The following LAMA2 variants were observed in gnomAD, a reference collection of about 807,000 sequenced individuals.
LAMA2 encodes the protein laminin subunit alpha-2.
A neutral mutation model predicts 364.8 loss-of-function variants in LAMA2; 269 were observed. The ratio of observed to expected loss-of-function variants is 0.74; its 90% CI spans 0.67 to 0.82. LAMA2 has a LOEUF of 0.82. Ranked by LOEUF, LAMA2 falls within the 40% of genes least tolerant of loss-of-function variation. The pLI is 0.00. For synonymous variants in LAMA2, 1,379 were observed against 1,370.6 expected (o/e 1.01, Z -0.14); for missense variants, 3,807 against 3,873.2 (o/e 0.98, Z 0.45).
rs1051961545 is a variant in LAMA2, at chr6:129,295,015, T to C, written c.2857-2670T>C. On this transcript the variant is annotated intron_variant, in intron 20 of 64. Transcript: ENST00000421865. ...AGCCCTACATATCTTACAGTACTAT[T>C]GTATGAAGCAGGGTTTTGTCCCGAG... Among the ~76,000 whole-genome samples the C allele has an allele frequency of 2.0e-5, 3 of 152,216 alleles. No individual in the cohort carries two copies. The East Asian group carries it at 5.8e-4, about 29-fold the overall frequency.
chr6:129,279,726 G>C (rs1269795330), intron 17 of LAMA2, among the ~76,000 whole-genome samples: 1 of 152,192 alleles, frequency 6.6e-6, no homozygotes, highest in African/African-American at 2.4e-5. Flanking sequence ...AAGAAAGTAT[G>C]TGAGGCTGCA....
At chr6:129,413,808 C>A (rs1780654717) in intron 40 of LAMA2, among the ~76,000 whole-genome samples, 1 of 151,936 alleles carries the variant, frequency 6.6e-6, no homozygotes, top group South Asian at 2.1e-4. Flanking sequence ...AGATATTAGG[C>A]AAGGGTAAGA....
At chr6:128,884,442 A>G (rs965804998) in intron 1 of LAMA2, among the ~76,000 whole-genome samples, 1 of 152,220 alleles carries the variant, frequency 6.6e-6, no homozygotes, top group African/African-American at 2.4e-5. Context: ...GTTTTGAAGT[A>G]TACTTATCCT....
rs1167376754 is a variant in LAMA2 at position 129,382,988 on chromosome 6, A to G, written c.4960-134A>G. The G allele has an allele frequency of 1.1e-5, 8 of 720,364 alleles. No homozygotes were observed. In the Admixed American group the frequency reaches 1.4e-4, roughly 13 times the overall value. The allele number at this position is 720,364 out of a possible 1,614,324, so 44.6% of individuals were successfully genotyped here. On this transcript the variant is annotated intron_variant, in intron 34 of 64. Transcript: ENST00000421865. ...GTGAGCATGGGGCATCATTTGCAAT[A>G]CATCTGATCAATAATTCATCGATTG...
intron 4 of LAMA2, among the ~76,000 whole-genome samples, chr6:129,102,745 G>C (rs1363355851): frequency 6.6e-6 from 1 of 152,168 alleles, no homozygotes; most frequent in African/African-American, 2.4e-5. Context: ...TAATTTGAGA[G>C]CTAGTATATT....
chr6:129,087,064 A>C (rs1263408109), intron 3 of LAMA2, among the ~76,000 whole-genome samples: 1 of 152,170 alleles, frequency 6.6e-6, no homozygotes, highest in East Asian at 1.9e-4. Flanking sequence ...CCAGTGGATT[A>C]TCCAGGGTGA....
intron 40 of LAMA2, among the ~76,000 whole-genome samples, chr6:129,409,732 G>C (rs571308572): frequency 1.3e-5 from 2 of 152,144 alleles, no homozygotes; most frequent in Non-Finnish European, 2.9e-5. Flanking sequence ...CAGGATCCCT[G>C]TCTGCCATTG....
At chr6:129,398,965 A>G (rs1779813878) in intron 37 of LAMA2, among the ~76,000 whole-genome samples, 1 of 152,204 alleles carries the variant, frequency 6.6e-6, no homozygotes, top group East Asian at 1.9e-4. Context: ...GTTTACTGAT[A>G]TGTAATAAAT....
intron 1 of LAMA2, among the ~76,000 whole-genome samples, chr6:129,014,197 C>T (rs1024769619): frequency 6.6e-5 from 10 of 152,274 alleles, no homozygotes; most frequent in Admixed American, 3.3e-4. Flanking sequence ...ACCTTTTAGA[C>T]ATCTAAATAG....
chr6:129,403,691 A>T, intron 39 of LAMA2, 130 bp from the exon 40 acceptor site: 1 of 818,392 alleles, frequency 1.2e-6, no homozygotes, highest in Non-Finnish European at 2.1e-6. Flanking sequence ...TAGATACTTC[A>T]CTATTATTTG....
chr6:129,277,808 A>T (rs1415934033), intron 17 of LAMA2, among the ~76,000 whole-genome samples: 1 of 152,150 alleles, frequency 6.6e-6, no homozygotes, highest in Non-Finnish European at 1.5e-5. Context: ...TTTTTTCTCG[A>T]AAAAGTGTTG....
chr6:129,499,412 A>G (rs1170067466), intron 58 of LAMA2, among the ~76,000 whole-genome samples: 2 of 152,192 alleles, frequency 1.3e-5, no homozygotes, highest in East Asian at 3.8e-4. Context: ...TGCAATGACC[A>G]TTCTTTAAAA....
intron 12 of LAMA2, among the ~76,000 whole-genome samples, chr6:129,194,019 G>T (rs1480843409): frequency 6.6e-6 from 1 of 152,008 alleles, no homozygotes; most frequent in Non-Finnish European, 1.5e-5. Flanking sequence ...AGAGTATGTT[G>T]CATAAAATTC....
intron 40 of LAMA2, among the ~76,000 whole-genome samples, chr6:129,418,583 G>A (rs374248889): frequency 1.3e-5 from 2 of 152,034 alleles, no homozygotes; most frequent in Admixed American, 6.5e-5. Flanking sequence ...ATCAGTGAAC[G>A]TGATGTCATA....
chr6:129,306,313 C>CTTTTTTT (rs11315443), intron 22 of LAMA2, among the ~76,000 whole-genome samples: 32 of 70,364 alleles, frequency 4.5e-4, no homozygotes, highest in East Asian at 7.9e-4. Context: ...TAATTTTTTC[C>CTTTTTTT]TTTTTTTTTT....
intron 4 of LAMA2, among the ~76,000 whole-genome samples, chr6:129,100,089 A>C (rs1775433224): frequency 6.6e-6 from 1 of 152,244 alleles, no homozygotes; most frequent in African/African-American, 2.4e-5. Context: ...AGCAATATAA[A>C]ATACACTTCG....
At chr6:129,330,793 C>CT (rs1775602457) in intron 29 of LAMA2, among the ~76,000 whole-genome samples, 1 of 151,944 alleles carries the variant, frequency 6.6e-6, no homozygotes, top group South Asian at 2.1e-4. Flanking sequence ...GCTCATTTCC[C>CT]TGGCTACTCC....
intron 22 of LAMA2, among the ~76,000 whole-genome samples, chr6:129,301,376 G>T (rs1001541366): frequency 6.6e-6 from 1 of 152,212 alleles, no homozygotes; most frequent in East Asian, 1.9e-4. Context: ...TGTTCAGAGA[G>T]ATCTATCTAG....
At chr6:129,144,212 GATT>G (rs543824838) in intron 5 of LAMA2, 132 bp downstream of exon 5, 432 of 620,644 alleles carry the variant, frequency 7.0e-4, no homozygotes, top group Middle Eastern at 2.5e-3. Flanking sequence ...TAGAATTGTA[GATT>G]ATTATTATTA....
Sources: allele counts gnomAD v4.1 joint callset (sites outside exome capture counted in the v4.1 genomes callset), GRCh38; gene constraint gnomAD v4.1.1; transcripts MANE v1.5; gene names NCBI Gene and HGNC (gene_info 2026-07-23, HGNC 2026-07-21).